SH3RF3: variants seen among roughly 807,000 people sequenced by gnomAD.
SH3RF3 encodes E3 ubiquitin-protein ligase SH3RF3.
SH3RF3 carries 29 observed loss-of-function variants against 66.3 expected under a neutral mutation model. The ratio of observed to expected loss-of-function variants is 0.44; its 90% confidence interval spans 0.33 to 0.60. The LOEUF is 0.60. SH3RF3 is among the 20% of genes least tolerant of loss of function. The pLI is 0.04. For synonymous variants in SH3RF3, 583 were observed against 532.0 expected, an observed-to-expected ratio of 1.10 and a Z score of -1.32; for missense variants, 1,194 against 1,190.9, an observed-to-expected ratio of 1.00 and a Z score of -0.04.
intron 1 of SH3RF3, among the ~76,000 whole-genome samples, chr2:109,180,488 A>G (rs916007299): frequency 7.2e-5 from 11 of 152,120 alleles, no homozygotes; most frequent in Middle Eastern, 3.4e-3. Context: ...CTGTATCCCC[A>G]CCCAAATCTC....
intron 1 of SH3RF3, among the ~76,000 whole-genome samples, chr2:109,335,654 C>G (rs1682396757): frequency 6.6e-6 from 1 of 152,116 alleles, no homozygotes; most frequent in Admixed American, 6.5e-5. Flanking sequence ...TGTTGCTGTC[C>G]CCCTGGCTGG....
chr2:109,181,778 C>G (rs2104986641), intron 1 of SH3RF3, among the ~76,000 whole-genome samples: 1 of 152,308 alleles, frequency 6.6e-6, no homozygotes, highest in East Asian at 1.9e-4. Flanking sequence ...CTGCCTTTTT[C>G]TTGACATCTC....
At chr2:109,247,271 C>T (rs1029857575) in intron 1 of SH3RF3, among the ~76,000 whole-genome samples, 6 of 152,184 alleles carry the variant, frequency 3.9e-5, no homozygotes, top group African/African-American at 1.2e-4. Context: ...GTCCTGGAAT[C>T]GGTGACACAC....
chr2:109,440,615 C>G (rs1274426230), intron 7 of SH3RF3, among the ~76,000 whole-genome samples: 1 of 152,186 alleles, frequency 6.6e-6, no homozygotes, highest in Non-Finnish European at 1.5e-5. Flanking sequence ...CAACAGTTTT[C>G]AAGACACCAG....
At chr2:109,321,789 T>G (rs1682033108) in intron 1 of SH3RF3, among the ~76,000 whole-genome samples, 4 of 152,224 alleles carry the variant, frequency 2.6e-5, no homozygotes, top group Admixed American at 2.6e-4. Flanking sequence ...GAGAGATGTG[T>G]TCGCGAGGGA....
intron 1 of SH3RF3, among the ~76,000 whole-genome samples, chr2:109,144,810 C>G (rs1196028698): frequency 1.3e-5 from 2 of 152,226 alleles, no homozygotes; most frequent in South Asian, 4.1e-4. Context: ...CAGCAGAGCA[C>G]TGACCCGGGG....
rs1679398690 is a variant in SH3RF3 at position 109,501,887 on chromosome 2, G to T, written c.*216G>T. On this transcript the variant is annotated 3_prime_UTR_variant, in exon 10 of 10. Coordinates refer to ENST00000309415, the MANE Select transcript of SH3RF3 (RefSeq NM_001099289.3). The stretch of plus-strand genomic sequence containing the variant: ...AGAGCACACCTGGGATGTTCTTCAA[G>T]GAAATGCCCACCCCCTCTGTGGAAA... 1.9e-6 allele frequency: 1 copy of T among 529,870 alleles called. No homozygotes were observed. Among genetic ancestry groups the T allele is most frequent in the East Asian group, 2.9e-5 (1 of 34,394 alleles). The allele number at this position is 529,870 out of a possible 1,614,324, so 32.8% of individuals were successfully genotyped here.
At chr2:109,418,235 C>T (rs1195280514) in intron 4 of SH3RF3, among the ~76,000 whole-genome samples, 1 of 152,104 alleles carries the variant, frequency 6.6e-6, no homozygotes, top group Non-Finnish European at 1.5e-5. Flanking sequence ...GGGAGGAGAC[C>T]CCTGTCTCCC....
intron 1 of SH3RF3, among the ~76,000 whole-genome samples, chr2:109,293,802 G>A (rs1224849591): frequency 6.6e-6 from 1 of 152,216 alleles, no homozygotes; most frequent in Non-Finnish European, 1.5e-5. Context: ...CTGGGGTTTT[G>A]TTACAGATCA....
In SH3RF3 at chr2:109,490,896, G is replaced by A; in HGVS notation, c.2440G>A (p.Ala814Thr). Residue 814 changes from alanine to threonine, a missense_variant, in exon 9 of 10, where the codon GCT becomes ACT. By Grantham distance (58) the Ala-to-Thr change is moderately conservative (BLOSUM62 0). Coordinates refer to ENST00000309415, the MANE Select transcript of SH3RF3 (RefSeq NM_001099289.3). ...SPSRQAPLSM[A>T]AIRPEPKLLP... Reference sequence around the variant, plus strand: ...TTCCCGGCAAGCTCCGCTGTCCATGGCTGCCATCCGCCCCGAGCCCAAGCT... The same window carrying A: ...TTCCCGGCAAGCTCCGCTGTCCATGACTGCCATCCGCCCCGAGCCCAAGCT... 1 of 1,524,484 alleles carries A rather than the reference G, an allele frequency of 6.6e-7. No individual in the cohort carries two copies. The highest frequency in any genetic ancestry group is 1.2e-5 in the South Asian group (1 of 82,630). 94.4% of individuals were successfully genotyped at this position (1,524,484 alleles called of 1,614,324 possible).
intron 1 of SH3RF3, among the ~76,000 whole-genome samples, chr2:109,312,164 A>C (rs986159609): frequency 6.6e-6 from 1 of 152,192 alleles, no homozygotes; most frequent in Admixed American, 6.5e-5. Flanking sequence ...CAGAACTCCA[A>C]ATCTTACAAA....
intron 1 of SH3RF3, among the ~76,000 whole-genome samples, chr2:109,204,643 A>G (rs1292487110): frequency 2.0e-5 from 3 of 152,214 alleles, no homozygotes; most frequent in Admixed American, 2.0e-4. Flanking sequence ...GACAACCCAC[A>G]CATTGCCAGG....
chr2:109,479,524 G>A (rs1216426385), intron 8 of SH3RF3, among the ~76,000 whole-genome samples: 2 of 152,096 alleles, frequency 1.3e-5, no homozygotes, highest in African/African-American at 4.8e-5. Flanking sequence ...TGTTCTCCCT[G>A]GGGTGTCGGG....
intron 1 of SH3RF3, among the ~76,000 whole-genome samples, chr2:109,208,078 G>A (rs1323998881): frequency 6.6e-5 from 10 of 151,574 alleles, no homozygotes; most frequent in African/African-American, 2.2e-4. Flanking sequence ...CGGAATGCCT[G>A]TGCTGGGCAC....
At chr2:109,421,360 G>A (rs1322093012) in intron 5 of SH3RF3, among the ~76,000 whole-genome samples, 2 of 152,232 alleles carry the variant, frequency 1.3e-5, no homozygotes, top group East Asian at 1.9e-4. Context: ...TGTTCTATGA[G>A]AGCAAAGGCC....
At chr2:109,404,945 T>G (rs1676416314) in intron 4 of SH3RF3, among the ~76,000 whole-genome samples, 1 of 152,054 alleles carries the variant, frequency 6.6e-6, no homozygotes, top group Non-Finnish European at 1.5e-5. Flanking sequence ...TTCTTTCCAG[T>G]GGAGCCCCGT....
At chr2:109,330,462 A>T (rs1682258157) in intron 1 of SH3RF3, among the ~76,000 whole-genome samples, 1 of 152,192 alleles carries the variant, frequency 6.6e-6, no homozygotes, top group Non-Finnish European at 1.5e-5. Flanking sequence ...CTAAATAAAC[A>T]TTCCATCTTC....
At chr2:109,246,597 C>T (rs2105238433) in intron 1 of SH3RF3, among the ~76,000 whole-genome samples, 1 of 152,286 alleles carries the variant, frequency 6.6e-6, no homozygotes, top group African/African-American at 2.4e-5. Context: ...CACTGTAGTA[C>T]CCTCCAGCCT....
intron 1 of SH3RF3, among the ~76,000 whole-genome samples, chr2:109,199,598 GGA>G (rs1678605209): frequency 8.4e-3 from 2 of 238 alleles, no homozygotes; most frequent in Admixed American, 0.091. Flanking sequence ...GGAATGGAAT[GGA>G]ATGGAATGGA....
Sources: gnomAD v4.1 joint callset for allele counts (sites outside exome capture counted in the v4.1 genomes callset) on GRCh38, gnomAD v4.1.1 for gene constraint, MANE v1.5 for transcripts, NCBI Gene and HGNC (gene_info 2026-07-23, HGNC 2026-07-21) for gene names.